DNMT1: variants seen among roughly 807,000 people sequenced by gnomAD.
DNMT1 encodes the protein DNA methyltransferase 1, also known as DNA (cytosine-5)-methyltransferase 1.
DNMT1 carries 24 observed loss-of-function variants against 205.3 expected under a neutral mutation model. The ratio of observed to expected loss-of-function variants is 0.12; its 90% CI spans 0.08 to 0.16. The LOEUF (loss-of-function observed/expected upper bound fraction) is 0.16, where lower values mean the gene tolerates loss of function less well. DNMT1 is among the 10% of genes least tolerant of loss of function. The probability of loss-of-function intolerance (pLI) is 1.00; values close to 1 mark genes in which losing one functional copy is unlikely to be tolerated. For missense variants in DNMT1, 1,293 were observed against 2,177.7 expected (o/e 0.59, Z 8.09); for synonymous variants, 817 against 839.8 (o/e 0.97, Z 0.47).
intron 33 of DNMT1, 108 bp from the exon 34 acceptor site, chr19:10,139,925 G>A: frequency 3.2e-6 from 5 of 1,584,292 alleles, no homozygotes; most frequent in Non-Finnish European, 4.3e-6. Flanking sequence ...TCTCCCTGGT[G>A]AGAGCTGAGC....
chr19:10,154,252 G>A lies in DNMT1; in HGVS notation c.2019+41C>T. The A allele has an allele frequency of 6.2e-7, 1 of 1,606,718 alleles. No individual in the cohort carries two copies. The highest frequency in any genetic ancestry group is 8.5e-7 in the Non-Finnish European group (1 of 1,173,664). ...AGTCCTCAGATCAGGCCAGAGGCTG[G>A]GCCACCTTAGGGGAGCGGGAGCACC... is the stretch of plus-strand genomic sequence containing the variant. On this transcript the variant is annotated intron_variant, in intron 22 of 40. Transcript: ENST00000359526. The surrounding 1 kb of genome is among the most constrained non-coding windows in gnomAD (Gnocchi z 6.3).
At chr19:10,139,117 A>G (rs2089552200) in intron 34 of DNMT1, among the ~76,000 whole-genome samples, 1 of 152,164 alleles carries the variant, frequency 6.6e-6, no homozygotes, top group Non-Finnish European at 1.5e-5. Flanking sequence ...TCAATTGCTG[A>G]GCTGATACAG....
intron 6 of DNMT1, among the ~76,000 whole-genome samples, chr19:10,176,772 C>T (rs1405052240): frequency 1.3e-5 from 2 of 152,054 alleles, no homozygotes; most frequent in Non-Finnish European, 2.9e-5. Flanking sequence ...GCAGGAGAAT[C>T]ACTTGAACCC....
intron 25 of DNMT1, 21 bp downstream of exon 25, chr19:10,149,832 A>G: frequency 6.2e-7 from 1 of 1,613,512 alleles, no homozygotes. Flanking sequence ...GCAGAAGTCA[A>G]GCAAAAAGAA....
In DNMT1 at chr19:10,187,207, G is replaced by C. The variant is rs2039203922; in HGVS notation, c.81-5130C>G. Among the ~76,000 whole-genome samples, 7 of 151,756 alleles carry C rather than the reference G, an allele frequency of 4.6e-5. No homozygotes were observed. In the South Asian group the frequency reaches 1.5e-3, roughly 32 times the overall value. On this transcript the variant is annotated intron_variant, in intron 1 of 40. Coordinates refer to ENST00000359526, the MANE Select transcript of DNMT1 (RefSeq NM_001130823.3). Reference sequence around the variant, plus strand: ...ACCAATGACATCAGAGCCGTGTTAAGAAAACTAACCCAGCAGAGGTATCTA... The same window carrying C: ...ACCAATGACATCAGAGCCGTGTTAACAAAACTAACCCAGCAGAGGTATCTA...
rs761140414 is a variant in DNMT1, at chr19:10,140,315, C to T, written c.3537G>A (p.Thr1179=). 25 of 1,613,566 alleles carry T rather than the reference C, an allele frequency of 1.5e-5. No homozygotes were observed. Among genetic ancestry groups the T allele is most frequent in the South Asian group, 5.5e-5 (5 of 91,080 alleles). Residue 1179 remains threonine (T), a synonymous_variant, in exon 33 of 41, where the codon ACG becomes ACA. Transcript: ENST00000359526. The surrounding 1 kb of genome is among the most constrained non-coding windows in gnomAD (Gnocchi z 8.4). ...EGFHQAGISD[T]LWAIEMWDPA... ...GGTCCCACATCTCGATGGCCCACAG[C>T]GTGTCAGAGATGCCTGGCAGATCAA...
rs74686239 is a variant in DNMT1 at position 10,175,832 on chromosome 19, C to T, written c.570-214G>A. On this transcript the variant is annotated intron_variant, in intron 6 of 40. Transcript: ENST00000359526. The stretch of plus-strand genomic sequence containing the variant: ...ACAGCTGCTAGTGTCAGAGAAGAGA[C>T]CTCACACACCTTTCTGATGGAGGGA... 6.4e-3 allele frequency among the ~76,000 whole-genome samples: 981 copies of T among 152,238 alleles called. 10 individuals carry two copies. The highest frequency in any genetic ancestry group is 0.023 in the African/African-American group (938 of 41,526).
At position 10,155,944 on chromosome 19, in the gene DNMT1, A is replaced by T. The variant is rs2038448067; in HGVS notation, c.1401T>A (p.Gly467=). The T allele has an allele frequency of 6.2e-7, 1 of 1,612,744 alleles. No homozygotes were observed. Among genetic ancestry groups the T allele is most frequent in the Non-Finnish European group, 8.5e-7 (1 of 1,179,380 alleles). ...GGCCAAGATTTTTGCCATTAACACC[A>T]CCTAGAGCAGAAAAAGGAAATGGAC... The part of the protein sequence containing the change: ...PIYDDDPSLE[G]GVNGKNLGPI... The change falls in exon 19 of 41, where the codon GGT becomes GGA. Residue 467 remains glycine, a splice_region_variant and synonymous_variant. Coordinates refer to ENST00000359526, the MANE Select transcript of DNMT1 (RefSeq NM_001130823.3).
rs762819722 is a variant in DNMT1, at chr19:10,140,871, C to T, written c.3433G>A (p.Glu1145Lys). The part of the protein sequence containing the change: ...KPKSQACEPS[E>K]PEIEIKLPKL... ...GGCAGCTTGATCTCTATCTCTGGCT[C>T]GCTCGGCTCACAGGCTTGGGACTTG... The change falls in exon 32 of 41, where the codon GAG becomes AAG. Residue 1145 changes from glutamate to lysine, a missense_variant. By Grantham distance (56) the Glu-to-Lys change is moderately conservative (BLOSUM62 1). Transcript: ENST00000359526. The surrounding 1 kb of genome is among the most constrained non-coding windows in gnomAD (Gnocchi z 8.4). The T allele has an allele frequency of 4.3e-6, 7 of 1,614,198 alleles. No homozygotes were observed. The highest frequency in any genetic ancestry group is 1.6e-4 in the Middle Eastern group (1 of 6,062).
At chr19:10,174,268 A>G (rs959614057) in intron 7 of DNMT1, among the ~76,000 whole-genome samples, 1 of 152,088 alleles carries the variant, frequency 6.6e-6, no homozygotes, top group Non-Finnish European at 1.5e-5. Flanking sequence ...AAAAAATACA[A>G]AACTTAGCTC....
chr19:10,142,321 A>G, intron 29 of DNMT1, 101 bp from the exon 30 acceptor site: 2 of 1,543,194 alleles, frequency 1.3e-6, no homozygotes, highest in Non-Finnish European at 1.8e-6. Flanking sequence ...ACTGCAGGGT[A>G]AAGACCCCCT....
chr19:10,181,317 G>GC (rs1038730051), intron 2 of DNMT1, among the ~76,000 whole-genome samples: 5 of 152,002 alleles, frequency 3.3e-5, no homozygotes, highest in Admixed American at 3.3e-4. Context: ...GGGCATGGTG[G>GC]CTTGAGCCTG....
chr19:10,153,764 G>A (rs1330350577), intron 22 of DNMT1, among the ~76,000 whole-genome samples: 4 of 152,122 alleles, frequency 2.6e-5, no homozygotes, highest in Non-Finnish European at 2.9e-5. Flanking sequence ...GTTAAGAGAT[G>A]CCAGCGGGGA....
At position 10,194,651 on chromosome 19, in the gene DNMT1, C is replaced by T. The variant is rs542540549; in HGVS notation, c.80+169G>A. 365 of 907,010 alleles carry T rather than the reference C, an allele frequency of 4.0e-4. No homozygotes were observed. The African/African-American group carries it at 5.7e-3, about 14-fold the overall frequency. 56.2% of individuals were successfully genotyped at this position (907,010 alleles called of 1,614,324 possible). On this transcript the variant is annotated intron_variant, in intron 1 of 40. Transcript: ENST00000359526. ...TGGCGCCAAACAGCCCGGGCACGCG[C>T]GACCGGAAGTGCCACCCTGCCCGCG...
rs1316990553 is a variant in DNMT1, at chr19:10,136,143, T to A, written c.4634A>T (p.Asn1545Ile). 6.2e-7 allele frequency: 1 copy of A among 1,613,742 alleles called. No individual in the cohort carries two copies. The highest frequency in any genetic ancestry group is 1.3e-5 in the African/African-American group (1 of 74,884). The stretch of plus-strand genomic sequence containing the variant: ...TACCTGCTTGCCCATGGGCTCGGGG[T>A]TGGTGACGGTTGTGCTGAAGAAGCC... ...WDGFFSTTVT[N>I]PEPMGKQGRV... The change falls in exon 38 of 41, where the codon AAC becomes ATC. Residue 1545 changes from asparagine (N) to isoleucine (I), a missense_variant. By Grantham distance (149) the Asn-to-Ile change is moderately radical. Transcript: ENST00000359526.
chr19:10,141,946 C>T (rs1356867659), intron 30 of DNMT1, 82 bp downstream of exon 30: 12 of 1,526,628 alleles, frequency 7.9e-6, no homozygotes, highest in East Asian at 4.7e-5. Flanking sequence ...GCAGCCAAGC[C>T]GCCTTGTGTA....
intron 31 of DNMT1, 92 bp downstream of exon 31, chr19:10,141,013 T>C (rs2089589915): frequency 6.2e-7 from 1 of 1,612,976 alleles, no homozygotes. Context: ...CCAGAGTCAG[T>C]AACACCAGAG....
At chr19:10,162,620 G>GAAAAAAAAAA in intron 13 of DNMT1, 47 bp downstream of exon 13, 22 of 1,316,396 alleles carry the variant, frequency 1.7e-5, no homozygotes, top group South Asian at 7.9e-5. Context: ...CCGTCTTGGG[G>GAAAAAAAAAA]AAAAAAAAAA....
intron 1 of DNMT1, among the ~76,000 whole-genome samples, chr19:10,189,276 T>C (rs897542379): frequency 7.9e-5 from 12 of 152,018 alleles, no homozygotes; most frequent in Admixed American, 1.3e-4. Flanking sequence ...TGTGCCACCA[T>C]GCCTGGCTAA....
Sources: allele counts gnomAD v4.1 joint callset (sites outside exome capture counted in the v4.1 genomes callset), GRCh38; gene constraint gnomAD v4.1.1; non-coding constraint Gnocchi (gnomAD v3.1); transcripts MANE v1.5; gene names NCBI Gene and HGNC (gene_info 2026-07-23, HGNC 2026-07-21).